Variants in SEZ6L observed in about 807,000 individuals in gnomAD.
SEZ6L encodes the protein seizure related 6 homolog like, also known as seizure 6-like protein.
In SEZ6L, 37 loss-of-function variants were observed where a neutral mutation model predicts 106.2. The ratio of observed to expected loss-of-function variants is 0.35; its 90% CI spans 0.27 to 0.46. The LOEUF (loss-of-function observed/expected upper bound fraction) is 0.46. Among genes scored for constraint, SEZ6L ranks in the 20% least tolerant of loss-of-function variants. SEZ6L has a pLI of 1.00. For missense variants in SEZ6L, 1,172 were observed against 1,332.8 expected, an observed-to-expected ratio of 0.88 and a Z score of 1.88; for synonymous variants, 541 against 570.4, an observed-to-expected ratio of 0.95 and a Z score of 0.73.
At chr22:26,238,594 T>C (rs761174533) in intron 1 of SEZ6L, among the ~76,000 whole-genome samples, 6 of 152,208 alleles carry the variant, frequency 3.9e-5, no homozygotes, top group Admixed American at 1.3e-4. Context: ...TAATAACAGC[T>C]GTAGCAATAA....
At chr22:26,288,539 A>G (rs641097) in intron 1 of SEZ6L, among the ~76,000 whole-genome samples, 63,678 of 152,126 alleles carry the variant, frequency 0.42, 15,385 homozygotes, top group Non-Finnish European at 0.56. Context: ...TAGTAGCATG[A>G]TCTTTGGGGT....
In SEZ6L at chr22:26,361,479, C is replaced by T. The variant is rs977812415; in HGVS notation, c.2600-3893C>T. On this transcript the variant is annotated intron_variant, in intron 12 of 16. Coordinates refer to ENST00000248933, the MANE Select transcript of SEZ6L (RefSeq NM_021115.5). ...CTGAGATCACACCACTGCACTCCAT[C>T]TTGAGTGACAGAGTGAGACTCTGTC... Among the ~76,000 whole-genome samples, 4 of 143,666 alleles carry T rather than the reference C, an allele frequency of 2.8e-5. No homozygotes were observed. The Admixed American group carries it at 2.9e-4, about 10-fold the overall frequency. The allele number at this position is 143,666 out of a possible 152,430, so 94.3% of individuals were successfully genotyped here. A position where few individuals can be genotyped will look rare whatever the true frequency, so the allele number is the denominator to read the frequency against.
intron 1 of SEZ6L, among the ~76,000 whole-genome samples, chr22:26,209,520 A>C (rs1176341524): frequency 6.7e-6 from 1 of 149,080 alleles, no homozygotes; most frequent in Non-Finnish European, 1.5e-5. Flanking sequence ...GAAGGAAAAA[A>C]GAAAGAGGAA....
intron 1 of SEZ6L, among the ~76,000 whole-genome samples, chr22:26,258,166 C>T (rs1382181905): frequency 6.6e-6 from 1 of 152,180 alleles, no homozygotes; most frequent in Non-Finnish European, 1.5e-5. Context: ...GGTACAGCCT[C>T]TACCTTTGAA....
intron 1 of SEZ6L, among the ~76,000 whole-genome samples, chr22:26,202,117 T>G (rs1486376168): frequency 2.6e-5 from 4 of 152,126 alleles, no homozygotes; most frequent in South Asian, 2.1e-4. Flanking sequence ...GGTTTCACTG[T>G]GTTAGCCAGG....
intron 1 of SEZ6L, among the ~76,000 whole-genome samples, chr22:26,200,887 C>T (rs1415455070): frequency 6.6e-6 from 1 of 152,094 alleles, no homozygotes; most frequent in East Asian, 1.9e-4. Flanking sequence ...ACATTCCCCA[C>T]CTCTCAGCCT....
At position 26,292,997 on chromosome 22, in the gene SEZ6L, C is replaced by T; in HGVS notation, c.686C>T (p.Ala229Val). Residue 229 changes from alanine to valine, a missense_variant, in exon 2 of 17, where the codon GCC becomes GTC. Ala to Val is a moderately conservative substitution (Grantham distance 64, BLOSUM62 0). Around this residue, in one of 4 missense-constraint regions of SEZ6L, gnomAD observed 494 missense variants for 445.8 expected, o/e 1.11. Coordinates refer to ENST00000248933, the MANE Select transcript of SEZ6L (RefSeq NM_021115.5). ...PEPGEPGPDM[A>V]QEAPQEDTSP... is the part of the protein sequence containing the mutation. ...CCCGGGGAGCCTGGGCCTGACATGG[C>T]CCAGGAGGCCCCCCAGGAGGACACC... 1 of 1,614,096 alleles carries T rather than the reference C, an allele frequency of 6.2e-7. No homozygotes were observed. Among genetic ancestry groups the T allele is most frequent in the East Asian group, 2.2e-5 (1 of 44,862 alleles).
intron 1 of SEZ6L, among the ~76,000 whole-genome samples, chr22:26,283,630 A>C (rs1476107450): frequency 6.6e-6 from 1 of 152,234 alleles, no homozygotes; most frequent in Non-Finnish European, 1.5e-5. Flanking sequence ...TTTATATAAT[A>C]TTTTTAAATG....
At position 26,329,134 on chromosome 22, in the gene SEZ6L, G is replaced by A. The variant is rs141690507; in HGVS notation, c.2016-11302G>A. 6.2e-4 allele frequency among the ~76,000 whole-genome samples: 95 copies of A among 152,286 alleles called. 1 individual carries two copies. Among genetic ancestry groups the A allele is most frequent in the African/African-American group, 2.2e-3 (92 of 41,568 alleles). Reference sequence around the variant, plus strand: ...TTTTGGAGAGAAACAGAGAGGAAGAGAGGGTGGAAGGAAAGGAAGAGAGAA... The same window carrying A: ...TTTTGGAGAGAAACAGAGAGGAAGAAAGGGTGGAAGGAAAGGAAGAGAGAA... On this transcript the variant is annotated intron_variant, in intron 9 of 16. Coordinates refer to ENST00000248933, the MANE Select transcript of SEZ6L (RefSeq NM_021115.5).
intron 1 of SEZ6L, among the ~76,000 whole-genome samples, chr22:26,205,075 T>A (rs991375462): frequency 1.2e-4 from 18 of 152,222 alleles, no homozygotes; most frequent in Non-Finnish European, 2.9e-5. Context: ...ATTATTCCTT[T>A]CCATTGGTAT....
intron 1 of SEZ6L, among the ~76,000 whole-genome samples, chr22:26,216,249 C>T (rs1176850269): frequency 6.6e-6 from 1 of 152,210 alleles, no homozygotes; most frequent in African/African-American, 2.4e-5. Flanking sequence ...CTAGCTCTTT[C>T]TGCTAAATCA....
rs1358991471 is a variant in SEZ6L, at chr22:26,347,892, G to A, written c.2386G>A (p.Asp796Asn). The A allele has an allele frequency of 8.9e-6, 14 of 1,570,860 alleles. No homozygotes were observed. The highest frequency in any genetic ancestry group is 2.4e-5 in the East Asian group (1 of 42,434). Residue 796 changes from aspartate (D) to asparagine (N), a missense_variant, in exon 11 of 17, where the codon GAC becomes AAC. This residue lies in a region of SEZ6L where 534 missense variants were observed against 691.0 expected (regional missense o/e 0.77). Transcript: ENST00000248933. The stretch of plus-strand genomic sequence containing the variant: ...CCAGTGGGACCTCAGCTGGAGCAGC[G>A]ACCCCCCATTTTGTGAGAAAAGTAA... ...TCQWDLSWSSDPPFCEKIMYC... is the reference protein window; with the variant it reads ...TCQWDLSWSSNPPFCEKIMYC...
intron 10 of SEZ6L, among the ~76,000 whole-genome samples, chr22:26,346,832 C>T (rs2083023345): frequency 6.6e-6 from 1 of 152,124 alleles, no homozygotes; most frequent in Admixed American, 6.5e-5. Context: ...GTTGTTATGA[C>T]CTAACCTCGG....
rs752037782 is a variant in SEZ6L, at chr22:26,296,933, G to A, written c.1015G>A (p.Gly339Arg). The change falls in exon 4 of 17, where the codon GGG (glycine) becomes AGG (arginine). Residue 339 changes from glycine to arginine, a missense_variant. Around this residue, in one of 4 missense-constraint regions of SEZ6L, gnomAD observed 494 missense variants for 445.8 expected, o/e 1.11. Transcript: ENST00000248933. ...CGATGGGGAACTGCTCTCCATCCGC[G>A]GGGTGGACGGCCCTACCCTGACCGT... Reference protein sequence around the residue: ...LSDGELLSIRGVDGPTLTVLA... With the variant: ...LSDGELLSIRRVDGPTLTVLA... The A allele has an allele frequency of 1.1e-5, 18 of 1,612,702 alleles. No homozygotes were observed. Among genetic ancestry groups the A allele is most frequent in the East Asian group, 2.2e-5 (1 of 44,820 alleles).
intron 9 of SEZ6L, 85 bp from the exon 10 acceptor site, chr22:26,340,351 T>C (rs1277951088): frequency 3.0e-6 from 4 of 1,329,990 alleles, no homozygotes; most frequent in Non-Finnish European, 4.1e-6. Flanking sequence ...TAACAAATTT[T>C]GTATTGCCTG....
chr22:26,236,031 G>T (rs6004968), intron 1 of SEZ6L, among the ~76,000 whole-genome samples: 77,729 of 152,140 alleles, frequency 0.51, 20,522 homozygotes, highest in South Asian at 0.67. Context: ...TGCACTTCAG[G>T]TTGGATCTTG....
chr22:26,368,032 T>G (rs1054293239), intron 13 of SEZ6L, among the ~76,000 whole-genome samples: 1 of 152,224 alleles, frequency 6.6e-6, no homozygotes, highest in African/African-American at 2.4e-5. Flanking sequence ...CGGAAATATG[T>G]TCAGTGTTTT....
At chr22:26,354,300 A>T (rs1467658014) in intron 12 of SEZ6L, among the ~76,000 whole-genome samples, 2 of 152,230 alleles carry the variant, frequency 1.3e-5, no homozygotes, top group African/African-American at 4.8e-5. Context: ...CTGGACACAG[A>T]TGGGGACACA....
chr22:26,260,670 C>A (rs1254665021), intron 1 of SEZ6L, among the ~76,000 whole-genome samples: 1 of 152,028 alleles, frequency 6.6e-6, no homozygotes, highest in East Asian at 1.9e-4. Flanking sequence ...TTTGCAACAG[C>A]GAATTGTGCT....
Sources: gnomAD v4.1 joint callset for allele counts (sites outside exome capture counted in the v4.1 genomes callset) on GRCh38, gnomAD v4.1.1 for gene constraint, gnomAD v4.1.1 regional missense constraint, MANE v1.5 for transcripts, NCBI Gene and HGNC (gene_info 2026-07-23, HGNC 2026-07-21) for gene names.